ATAD2B: variants seen among roughly 807,000 people sequenced by gnomAD.
The protein encoded by ATAD2B is ATPase family AAA domain containing 2B.
In ATAD2B, 40 loss-of-function variants were observed where a neutral mutation model predicts 167.6. The observed-to-expected ratio is 0.24, with a 90% CI of 0.19 to 0.31. The LOEUF is 0.31. ATAD2B is among the 10% of genes least tolerant of loss of function. ATAD2B has a pLI of 1.00. For synonymous variants in ATAD2B, 579 were observed against 596.5 expected (o/e 0.97, Z 0.43); for missense variants, 1,242 against 1,757.2 (o/e 0.71, Z 5.24).
At chr2:23,802,317 A>C (rs1683624911) in intron 18 of ATAD2B, among the ~76,000 whole-genome samples, 1 of 152,002 alleles carries the variant, frequency 6.6e-6, no homozygotes, top group Admixed American at 6.6e-5. Flanking sequence ...GCTTTATTCC[A>C]TTTTTATCCC....
chr2:23,788,544 G>A lies in ATAD2B; in HGVS notation c.2744C>T (p.Ala915Val). The A allele has an allele frequency of 6.2e-7, 1 of 1,613,222 alleles. No individual in the cohort carries two copies. Among genetic ancestry groups the A allele is most frequent in the African/African-American group, 1.3e-5 (1 of 75,012 alleles). The change falls in exon 20 of 28, where the codon GCA becomes GTA. Residue 915 changes from alanine (A) to valine (V), a missense_variant. Transcript: ENST00000238789. ...KFFQELILNQ[A>V]SMAPPRRKHA... ...TTTCCTTCGTGGTGGAGCCATTGAT[G>A]CCTGATTGAGAATCAATTCTTGAAA...
chr2:23,743,097 C>A, the ATAD2B span, among the ~76,000 whole-genome samples: 1 of 148,832 alleles, frequency 6.7e-6, no homozygotes, highest in African/African-American at 2.5e-5. Flanking sequence ...GAGAAAAGTC[C>A]AGATATAAGA....
At chr2:23,786,700 C>T (rs545787638) in intron 20 of ATAD2B, among the ~76,000 whole-genome samples, 5 of 152,026 alleles carry the variant, frequency 3.3e-5, no homozygotes, top group South Asian at 4.2e-4. Flanking sequence ...AAAATTTGCA[C>T]AGAAACAAAA....
At chr2:23,917,791 G>T (rs1396522515) in intron 1 of ATAD2B, among the ~76,000 whole-genome samples, 2 of 151,902 alleles carry the variant, frequency 1.3e-5, no homozygotes, top group Non-Finnish European at 2.9e-5. Context: ...AGGCGCGGTG[G>T]CTCACGCCTA....
At chr2:23,760,820 G>A (rs558967592) in intron 24 of ATAD2B, among the ~76,000 whole-genome samples, 3 of 145,270 alleles carry the variant, frequency 2.1e-5, no homozygotes, top group East Asian at 2.0e-4. Context: ...TTAGAGACAC[G>A]ATCTTTAGAG....
At chr2:23,707,173 C>CT in the ATAD2B span, 1 of 152,418 alleles carries the variant, frequency 6.6e-6, no homozygotes, top group East Asian at 1.9e-4. Context: ...ATCACAAGGC[C>CT]TAGGAGGCTG....
At chr2:23,863,047 T>C (rs191965816) in intron 12 of ATAD2B, among the ~76,000 whole-genome samples, 2 of 152,298 alleles carry the variant, frequency 1.3e-5, no homozygotes, top group East Asian at 1.9e-4. Context: ...AGATTAAACG[T>C]ATTAAATATT....
At chr2:23,764,155 T>C (rs1379241303) in intron 23 of ATAD2B, among the ~76,000 whole-genome samples, 1 of 152,232 alleles carries the variant, frequency 6.6e-6, no homozygotes, top group East Asian at 1.9e-4. Context: ...AATCCATGTT[T>C]AATTTTTTAG....
At chr2:23,815,140 T>A (rs1185055274) in intron 17 of ATAD2B, among the ~76,000 whole-genome samples, 1 of 151,658 alleles carries the variant, frequency 6.6e-6, no homozygotes, top group Non-Finnish European at 1.5e-5. Context: ...GATAATCATA[T>A]ACATGTTTAG....
intron 25 of ATAD2B, 57 bp downstream of exon 25, chr2:23,757,361 C>T: frequency 7.7e-7 from 1 of 1,301,166 alleles, no homozygotes; most frequent in Non-Finnish European, 1.0e-6. Context: ...ATAAAATACA[C>T]AACGAATTAA....
chr2:23,865,529 C>CAAA (rs58309800), intron 10 of ATAD2B, among the ~76,000 whole-genome samples: 2 of 96,538 alleles, frequency 2.1e-5, no homozygotes, highest in Non-Finnish European at 4.4e-5. Context: ...AACTCCACCT[C>CAAA]AAAAAAAAAA....
intron 1 of ATAD2B, among the ~76,000 whole-genome samples, chr2:23,919,717 T>A (rs1027881038): frequency 2.6e-5 from 4 of 151,532 alleles, no homozygotes; most frequent in African/African-American, 9.7e-5. Flanking sequence ...GTGGCGCATG[T>A]CTGTAATCCC....
chr2:23,799,743 A>T (rs1683191657), intron 18 of ATAD2B: 1 of 152,098 alleles, frequency 6.6e-6, no homozygotes, highest in African/African-American at 2.4e-5. Context: ...GTAAAATAAA[A>T]GGTACTGCCA....
At chr2:23,878,579 A>G (rs1697395546) in intron 7 of ATAD2B, among the ~76,000 whole-genome samples, 1 of 152,024 alleles carries the variant, frequency 6.6e-6, no homozygotes, top group South Asian at 2.1e-4. Context: ...GAATGGCATG[A>G]ACCTGGGAGG....
the ATAD2B span, among the ~76,000 whole-genome samples, chr2:23,711,028 T>C: frequency 6.6e-6 from 1 of 152,180 alleles, no homozygotes. Context: ...CAGGTAATAC[T>C]AAAGACATGC....
chr2:23,807,740 C>T (rs1442647285), intron 18 of ATAD2B, among the ~76,000 whole-genome samples: 1 of 149,582 alleles, frequency 6.7e-6, no homozygotes, highest in East Asian at 1.9e-4. Flanking sequence ...CGCTTGAACC[C>T]AGGAGGCGGA....
At chr2:23,847,697 G>A (rs1691889122) in intron 13 of ATAD2B, among the ~76,000 whole-genome samples, 1 of 147,730 alleles carries the variant, frequency 6.8e-6, no homozygotes, top group African/African-American at 2.5e-5. Context: ...AAAAAAAAAT[G>A]TGCTTTCAGC....
chr2:23,877,065 C>CT (rs1347731273), intron 7 of ATAD2B, among the ~76,000 whole-genome samples: 1 of 93,068 alleles, frequency 1.1e-5, no homozygotes, highest in African/African-American at 3.4e-5. Flanking sequence ...GAAACTCCAT[C>CT]TCAAAAAAAA....
chr2:23,698,907 G>C, the ATAD2B span, among the ~76,000 whole-genome samples: 1 of 152,296 alleles, frequency 6.6e-6, no homozygotes, highest in East Asian at 1.9e-4. Flanking sequence ...GAAAGACTGA[G>C]GACTAACAGC....
Sources: allele counts gnomAD v4.1 joint callset (sites outside exome capture counted in the v4.1 genomes callset), GRCh38; gene constraint gnomAD v4.1.1; transcripts MANE v1.5; gene names NCBI Gene and HGNC (gene_info 2026-07-23, HGNC 2026-07-21).